Variants in ABCC11 observed in about 807,000 individuals in gnomAD.
ABCC11 encodes ATP binding cassette subfamily C member 11.
A neutral mutation model predicts 149.3 loss-of-function variants in ABCC11; 135 were observed. The observed-to-expected ratio is 0.90, with a 90% CI of 0.79 to 1.04. The LOEUF (loss-of-function observed/expected upper bound fraction) is 1.04. Ranked by LOEUF, ABCC11 falls within the 50% of genes least tolerant of loss-of-function variation. ABCC11 has a pLI of 0.00. For synonymous variants in ABCC11, 665 were observed against 671.4 expected (o/e 0.99, Z 0.15); for missense variants, 1,680 against 1,722.1 (o/e 0.98, Z 0.43).
At position 48,187,388 on chromosome 16, in the gene ABCC11, T is replaced by C. The variant is rs1966811850; in HGVS notation, c.2746A>G (p.Ile916Val). 3 of 1,613,970 alleles carry C rather than the reference T, an allele frequency of 1.9e-6. No individual in the cohort carries two copies. The highest frequency in any genetic ancestry group is 2.5e-6 in the Non-Finnish European group (3 of 1,179,942). ...CPMSFFDTIP[I>V]GRLLNCFAGD... Reference sequence around the variant, plus strand: ...GCGAAGCAGTTCAAAAGCCGGCCTATTGGGATGGTGTCAAAGAAACTCATG... The same window carrying C: ...GCGAAGCAGTTCAAAAGCCGGCCTACTGGGATGGTGTCAAAGAAACTCATG... Residue 916 changes from isoleucine to valine, a missense_variant, in exon 21 of 30, where the codon ATA becomes GTA. By Grantham distance (29) the Ile-to-Val change is conservative. Coordinates refer to ENST00000356608, the MANE Select transcript of ABCC11 (RefSeq NM_001370497.1).
intron 1 of ABCC11, among the ~76,000 whole-genome samples, chr16:48,234,221 T>A (rs1457831696): frequency 6.6e-6 from 1 of 152,224 alleles, no homozygotes; most frequent in Non-Finnish European, 1.5e-5. Flanking sequence ...CACGGCATCA[T>A]CATATACTGT....
At chr16:48,227,987 A>G (rs1596835925) in intron 3 of ABCC11, 23 bp from the exon 4 acceptor site, 2 of 1,590,972 alleles carry the variant, frequency 1.3e-6, no homozygotes, top group Non-Finnish European at 1.7e-6. Flanking sequence ...CCACAAGGAT[A>G]AGAATGAATT....
intron 1 of ABCC11, among the ~76,000 whole-genome samples, chr16:48,242,121 G>C (rs1045429578): frequency 3.3e-5 from 5 of 152,140 alleles, no homozygotes; most frequent in African/African-American, 4.8e-5. Context: ...CTACAGAATG[G>C]AAGAAAATTT....
In ABCC11 at chr16:48,178,579, C is replaced by A. The variant is rs768687627; in HGVS notation, c.3348+18G>T. The A allele has an allele frequency of 2.7e-5, 43 of 1,613,424 alleles. No homozygotes were observed. Among genetic ancestry groups the A allele is most frequent in the Non-Finnish European group, 3.2e-5 (38 of 1,179,566 alleles). ...AACTTGCATGGCTCCCCACACCAGA[C>A]CCAGACCTGAACCCCACCTTCATGT... On this transcript the variant is annotated intron_variant, in intron 24 of 29. Coordinates refer to ENST00000356608, the MANE Select transcript of ABCC11 (RefSeq NM_001370497.1).
At chr16:48,236,131 G>A (rs930953394) in intron 1 of ABCC11, among the ~76,000 whole-genome samples, 10 of 152,154 alleles carry the variant, frequency 6.6e-5, no homozygotes, top group Non-Finnish European at 1.2e-4. Context: ...CTGCTCTTAG[G>A]TTTATTTCCT....
chr16:48,233,323 A>G (rs1370900093), intron 1 of ABCC11, among the ~76,000 whole-genome samples: 4 of 152,170 alleles, frequency 2.6e-5, no homozygotes, highest in Non-Finnish European at 5.9e-5. Context: ...TTCCCATCCC[A>G]CTTCCTTTTA....
chr16:48,196,419 T>C, intron 17 of ABCC11, 98 bp from the exon 18 acceptor site: 2 of 1,212,090 alleles, frequency 1.7e-6, no homozygotes, highest in Non-Finnish European at 2.4e-6. Flanking sequence ...GCTTTTCACT[T>C]TCCAGCTTCA....
chr16:48,182,575 C>T (rs971515618), intron 23 of ABCC11, among the ~76,000 whole-genome samples: 2 of 151,952 alleles, frequency 1.3e-5, no homozygotes, highest in African/African-American at 2.4e-5. Flanking sequence ...GTCAGGAGAT[C>T]GAGACCATCC....
chr16:48,218,644 T>C (rs1481876147), intron 6 of ABCC11, among the ~76,000 whole-genome samples: 3 of 152,170 alleles, frequency 2.0e-5, no homozygotes, highest in Non-Finnish European at 2.9e-5. Context: ...TCACCATATG[T>C]TGTGGGAGGG....
At chr16:48,232,749 G>T (rs1970491285) in intron 1 of ABCC11, among the ~76,000 whole-genome samples, 1 of 152,204 alleles carries the variant, frequency 6.6e-6, no homozygotes, top group African/African-American at 2.4e-5. Context: ...CCCACACTCA[G>T]AAGGGCCCCA....
At chr16:48,171,988 A>G (rs1965751777) in intron 26 of ABCC11, among the ~76,000 whole-genome samples, 1 of 152,120 alleles carries the variant, frequency 6.6e-6, no homozygotes. Flanking sequence ...AAAACAAAAC[A>G]AAACTTTTTC....
Position 48,192,501 on chromosome 16 carries a change from C to T in ABCC11, c.2706+19G>A. 6.2e-7 allele frequency: 1 copy of T among 1,613,746 alleles called. No homozygotes were observed. The highest frequency in any genetic ancestry group is 8.5e-7 in the Non-Finnish European group (1 of 1,179,710). On this transcript the variant is annotated intron_variant, in intron 20 of 29. Coordinates refer to ENST00000356608, the MANE Select transcript of ABCC11 (RefSeq NM_001370497.1). ...TTCAGAGCTCAGCCTTCGGCCCCAC[C>T]CAGCACCCAGGCCCATACCTTGTTG...
Position 48,171,043 on chromosome 16 carries a change from G to T in ABCC11, c.3699-76C>A. On this transcript the variant is annotated intron_variant, in intron 26 of 29. Transcript: ENST00000356608. ...ACACTCATTTATATGCCCAGTGAAT[G>T]ACCAAGAATGTTTAGAACTGGATTA... 3 of 1,244,402 alleles carry T rather than the reference G, an allele frequency of 2.4e-6. No individual in the cohort carries two copies. In the South Asian group the frequency reaches 3.7e-5, roughly 16 times the overall value. The allele number at this position is 1,244,402 out of a possible 1,614,324, so 77.1% of individuals were successfully genotyped here. A position where few individuals can be genotyped will look rare whatever the true frequency, so the allele number is the denominator to read the frequency against.
chr16:48,224,896 G>T (rs1191614592), intron 4 of ABCC11, among the ~76,000 whole-genome samples: 1 of 152,214 alleles, frequency 6.6e-6, no homozygotes, highest in African/African-American at 2.4e-5. Flanking sequence ...GGTGGCATGC[G>T]CCTGTAATCC....
chr16:48,192,432 C>A (rs1967003674), intron 20 of ABCC11, 88 bp downstream of exon 20: 2 of 1,442,096 alleles, frequency 1.4e-6, no homozygotes, highest in South Asian at 2.6e-5. Context: ...CTACAGAGCT[C>A]TAAAAAATAA....
intron 28 of ABCC11, among the ~76,000 whole-genome samples, chr16:48,169,708 T>C (rs987868174): frequency 2.2e-5 from 3 of 135,636 alleles, no homozygotes; most frequent in Non-Finnish European, 3.0e-5. Flanking sequence ...TGGGTGGGAA[T>C]TGAACAATGA....
Position 48,187,192 on chromosome 16 carries a change from C to T in ABCC11, c.2933+9G>A, listed in dbSNP as rs754467204. ...CTCCCCAAGTCACAAGCAAAAAGAACCTACTCACATATAATAAATGAAGCA... is the reference window on the plus strand; with the variant it reads ...CTCCCCAAGTCACAAGCAAAAAGAATCTACTCACATATAATAAATGAAGCA... On this transcript the variant is annotated intron_variant, in intron 21 of 29. Transcript: ENST00000356608. 3.1e-6 allele frequency: 5 copies of T among 1,613,906 alleles called. No homozygotes were observed. Among genetic ancestry groups the T allele is most frequent in the Non-Finnish European group, 3.4e-6 (4 of 1,179,920 alleles).
chr16:48,180,516 C>T (rs1468431755), intron 23 of ABCC11, among the ~76,000 whole-genome samples: 7 of 152,184 alleles, frequency 4.6e-5, no homozygotes, highest in South Asian at 2.1e-4. Context: ...CCCAGATGGT[C>T]GAGGCCATTT....
At chr16:48,246,017 A>C (rs1971362186) in intron 1 of ABCC11, among the ~76,000 whole-genome samples, 1 of 152,080 alleles carries the variant, frequency 6.6e-6, no homozygotes, top group Admixed American at 6.6e-5. Flanking sequence ...AGGGTTGGAC[A>C]TGTCTTATTT....
Sources: gnomAD v4.1 joint callset for allele counts (sites outside exome capture counted in the v4.1 genomes callset) on GRCh38, gnomAD v4.1.1 for gene constraint, MANE v1.5 for transcripts, NCBI Gene and HGNC (gene_info 2026-07-23, HGNC 2026-07-21) for gene names.